Variants in GSN observed in about 807,000 individuals in gnomAD.
The protein encoded by GSN is gelsolin.
Under a neutral mutation model 85.7 loss-of-function variants are expected in GSN, and 56 were observed. The observed-to-expected ratio is 0.65, with a 90% CI of 0.53 to 0.82. The LOEUF is 0.82. Ranked by LOEUF, GSN falls within the 40% of genes least tolerant of loss-of-function variation. The pLI is 0.00. For synonymous variants in GSN, 373 were observed against 399.1 expected (o/e 0.93, Z 0.78); for missense variants, 857 against 979.8 (o/e 0.87, Z 1.67).
chr9:121,317,307 T>C (rs1227024329), intron 8 of GSN, 89 bp downstream of exon 8: 2 of 1,372,328 alleles, frequency 1.5e-6, no homozygotes, highest in Admixed American at 1.7e-5. Flanking sequence ...TCCCGGGGAG[T>C]GTGGAGTGTG....
At position 121,310,789 on chromosome 9, in the gene GSN, C is replaced by G; in HGVS notation, c.457C>G (p.Pro153Ala). 2 of 1,614,132 alleles carry G rather than the reference C, an allele frequency of 1.2e-6. No homozygotes were observed. Among genetic ancestry groups the G allele is most frequent in the South Asian group, 1.1e-5 (1 of 91,080 alleles). ...GCGTGTGGTCCGTGCCACCGAGGTA[C>G]CTGTGTCCTGGGAGAGCTTCAACAA... ...GRRVVRATEVPVSWESFNNGD... is the reference protein window; with the variant it reads ...GRRVVRATEVAVSWESFNNGD... The change falls in exon 5 of 18, where the codon CCT (proline) becomes GCT (alanine). Residue 153 changes from proline to alanine, a missense_variant. By Grantham distance (27) the Pro-to-Ala change is conservative (BLOSUM62 -1). Transcript: ENST00000432226.
At chr9:121,330,639 T>A (rs1157596977) in intron 16 of GSN, among the ~76,000 whole-genome samples, 2 of 152,214 alleles carry the variant, frequency 1.3e-5, no homozygotes, top group South Asian at 2.1e-4. Flanking sequence ...CAATGATAGG[T>A]GCTCTTTGAA....
chr9:121,295,725 C>T (rs1355532138), intron 2 of GSN, among the ~76,000 whole-genome samples: 1 of 152,188 alleles, frequency 6.6e-6, no homozygotes, highest in Non-Finnish European at 1.5e-5. Context: ...GGGACATGGG[C>T]TGTACAGCCC....
intron 4 of GSN, among the ~76,000 whole-genome samples, chr9:121,211,285 A>G (rs2053963997): frequency 6.6e-6 from 1 of 152,230 alleles, no homozygotes; most frequent in South Asian, 2.1e-4. Context: ...TAGTGCTATT[A>G]AATAGTACAC....
chr9:121,281,812 T>C (rs1363239572), intron 2 of GSN: 2 of 471,138 alleles, frequency 4.2e-6, no homozygotes. Context: ...GATGCCTGGC[T>C]CCCACCCTGG....
intron 1 of GSN, among the ~76,000 whole-genome samples, chr9:121,271,231 G>A (rs187530316): frequency 6.6e-6 from 1 of 152,282 alleles, no homozygotes; most frequent in East Asian, 1.9e-4. Flanking sequence ...GGATGCTCCT[G>A]TAATCCTAGC....
chr9:121,327,505 T>A, intron 14 of GSN, 23 bp downstream of exon 14: 7 of 1,542,072 alleles, frequency 4.5e-6, no homozygotes, highest in Non-Finnish European at 6.1e-6. Context: ...GTGGGGGGCC[T>A]GCTGCTGTCC....
intron 11 of GSN, among the ~76,000 whole-genome samples, 192 bp downstream of exon 11, chr9:121,321,593 A>G (rs2062459629): frequency 6.6e-6 from 1 of 152,228 alleles, no homozygotes; most frequent in Non-Finnish European, 1.5e-5. Context: ...CCAAATGATT[A>G]TACATCTATT....
rs1045424985 is a variant in GSN at position 121,278,514 on chromosome 9, T to C, written c.-102-2956T>C. Among the ~76,000 whole-genome samples, 5 of 152,276 alleles carry C rather than the reference T, an allele frequency of 3.3e-5. No individual in the cohort carries two copies. In the South Asian group the frequency reaches 6.2e-4, roughly 19 times the overall value. On this transcript the variant is annotated intron_variant, in intron 1 of 17. Coordinates refer to ENST00000432226, the MANE Select transcript of GSN (RefSeq NM_198252.3). ...AGCCAGCTAGACAGACAGGGTTCCA[T>C]GGTGGCTTGCAGACTTTCATCGGGC...
At chr9:121,243,650 T>A (rs2054647180) in intron 5 of GSN, among the ~76,000 whole-genome samples, 1 of 152,246 alleles carries the variant, frequency 6.6e-6, no homozygotes, top group South Asian at 2.1e-4. Flanking sequence ...CGATCTTGGC[T>A]CACTGTAACC....
chr9:121,319,615 G>A (rs980600273), intron 10 of GSN, among the ~76,000 whole-genome samples: 1 of 151,802 alleles, frequency 6.6e-6, no homozygotes, highest in South Asian at 2.1e-4. Flanking sequence ...GAGCCACTGC[G>A]CCCGGCCACC....
Position 121,245,599 on chromosome 9 carries a change from G to A in GSN, c.-388-2677G>A, listed in dbSNP as rs547204269. On this transcript the variant is annotated intron_variant, in intron 5 of 24. Transcript: ENST00000373823. ...TGGTCTCAAACTCCTGAGCTCAAGC[G>A]ATGCTCCTGCCTCGGCCTCCCAAAG... 7.9e-5 allele frequency among the ~76,000 whole-genome samples: 12 copies of A among 152,308 alleles called. No homozygotes were observed. In the South Asian group the frequency reaches 1.5e-3, roughly 18 times the overall value.
intron 5 of GSN, among the ~76,000 whole-genome samples, chr9:121,235,689 G>A (rs977815368): frequency 1.3e-5 from 2 of 152,228 alleles, no homozygotes; most frequent in Non-Finnish European, 2.9e-5. Context: ...AAAGAAGACA[G>A]TGGAGAAAGC....
chr9:121,303,254 C>A (rs565065403), intron 4 of GSN, among the ~76,000 whole-genome samples, 189 bp downstream of exon 4: 1 of 152,340 alleles, frequency 6.6e-6, no homozygotes, highest in Non-Finnish European at 1.5e-5. Context: ...ACAAATCACA[C>A]TGCCTTTCTG....
chr9:121,228,403 C>CACATATATATATATATATATATAT (rs1475020604), intron 4 of GSN, among the ~76,000 whole-genome samples: 11 of 63,196 alleles, frequency 1.7e-4, no homozygotes, highest in Non-Finnish European at 3.0e-4. Flanking sequence ...CATTGATTAA[C>CACATATATATATATATATATATAT]ATATATATAT....
In GSN at chr9:121,329,940, ACCTT is replaced by A. The variant is rs1375020552; in HGVS notation, c.1965+626_1965+629del. Reference sequence around the variant, plus strand: ...TTCTCACAGGGGTGTCAGGTCAGTCACCTTTCCTATCAAGGTGGCTTCTCCCAGA... The same window carrying A: ...TTCTCACAGGGGTGTCAGGTCAGTCATCCTATCAAGGTGGCTTCTCCCAGA... On this transcript the variant is annotated intron_variant, in intron 16 of 17. Coordinates refer to ENST00000432226, the MANE Select transcript of GSN (RefSeq NM_198252.3). This position sits in a 1 kb window ranked among gnomAD's most constrained non-coding sequence, Gnocchi z 4.6. Among the ~76,000 whole-genome samples the A allele has an allele frequency of 6.6e-6, 1 of 152,158 alleles. No homozygotes were observed. The highest frequency in any genetic ancestry group is 2.4e-5 in the African/African-American group (1 of 41,428).
At chr9:121,265,917 G>A (rs145696472), upstream of GSN, among the ~76,000 whole-genome samples, 200 of 152,304 alleles carry the variant, frequency 1.3e-3, 1 homozygote, top group African/African-American at 4.5e-3. Context: ...TACACATGTT[G>A]AGTCATAAAG....
rs1432236473 is a variant in GSN, at chr9:121,327,484, T to C, written c.1762+2T>C. 8 of 1,563,302 alleles carry C rather than the reference T, an allele frequency of 5.1e-6. No homozygotes were observed. Among genetic ancestry groups the C allele is most frequent in the Non-Finnish European group, 5.2e-6 (6 of 1,153,074 alleles). The stretch of plus-strand genomic sequence containing the variant: ...AGGTGGCAGAAGGCAGCGAGCCAGG[T>C]AGGAGCCGGGGTGGGGGGCCTGCTG... On this transcript the variant is annotated splice_donor_variant, in intron 14 of 17. Transcript: ENST00000432226. LOFTEE classifies it high-confidence loss of function.
At chr9:121,234,701 G>A (rs1176317873) in intron 5 of GSN, among the ~76,000 whole-genome samples, 1 of 152,134 alleles carries the variant, frequency 6.6e-6, no homozygotes, top group Admixed American at 6.5e-5. Flanking sequence ...AATAAATGTA[G>A]GGTTGGGCAT....
Sources: allele counts gnomAD v4.1 joint callset (sites outside exome capture counted in the v4.1 genomes callset), GRCh38; gene constraint gnomAD v4.1.1; non-coding constraint Gnocchi (gnomAD v3.1); transcripts MANE v1.5; gene names NCBI Gene and HGNC (gene_info 2026-07-23, HGNC 2026-07-21).